Variants in MTIF3 observed in about 807,000 individuals in gnomAD.
The protein encoded by MTIF3 is mitochondrial translational initiation factor 3.
A neutral mutation model predicts 20.7 loss-of-function variants in MTIF3; 13 were observed. The observed-to-expected ratio is 0.63, with a 90% CI of 0.41 to 1.00. The LOEUF (loss-of-function observed/expected upper bound fraction) is 1.00, where lower values mean the gene tolerates loss of function less well. MTIF3 is among the 50% of genes least tolerant of loss of function. The probability of loss-of-function intolerance (pLI) is 0.00; values close to 1 mark genes in which losing one functional copy is unlikely to be tolerated. For synonymous variants in MTIF3, 114 were observed against 112.5 expected (o/e 1.01, Z -0.08); for missense variants, 295 against 324.5 (o/e 0.91, Z 0.70).
chr13:27,443,222 GTAGATGCTGTAAAGGCTC>G (rs1954061624), intron 2 of MTIF3, among the ~76,000 whole-genome samples: 1 of 152,238 alleles, frequency 6.6e-6, no homozygotes, highest in South Asian at 2.1e-4. Flanking sequence ...GGCTCCAGCT[GTAGATGCTGTAAAGGCTC>G]TAAGGTGGGA....
At chr13:27,444,456 T>TA (rs1278117674) in intron 2 of MTIF3, among the ~76,000 whole-genome samples, 3 of 152,250 alleles carry the variant, frequency 2.0e-5, no homozygotes, top group Non-Finnish European at 4.4e-5. Context: ...ACTAACTCAA[T>TA]ACTGGCTTTA....
intron 1 of MTIF3, among the ~76,000 whole-genome samples, chr13:27,449,151 C>T (rs748518272): frequency 1.3e-5 from 2 of 152,230 alleles, no homozygotes; most frequent in African/African-American, 2.4e-5. Flanking sequence ...CCTCCAGTCA[C>T]CTCCAAGACA....
intron 3 of MTIF3, among the ~76,000 whole-genome samples, chr13:27,438,992 G>C (rs959503757): frequency 6.6e-6 from 1 of 152,118 alleles, no homozygotes; most frequent in African/African-American, 2.4e-5. Flanking sequence ...GTCCCCGTGC[G>C]CCATCCATTG....
intron 2 of MTIF3, chr13:27,440,926 ATATG>A (rs1953985008): frequency 5.9e-6 from 1 of 169,484 alleles, no homozygotes; most frequent in Non-Finnish European, 1.3e-5. Flanking sequence ...TTTGTATGCC[ATATG>A]TATTATATAC....
At position 27,436,229 on chromosome 13, in the gene MTIF3, C is replaced by T. The variant is rs528397256; in HGVS notation, c.619-336G>A. ...ACCTCCTCATCCCCAAGGTGTCAGCCGAGCAGTTCTCAGCACTCTCTATTG... is the reference window on the plus strand; with the variant it reads ...ACCTCCTCATCCCCAAGGTGTCAGCTGAGCAGTTCTCAGCACTCTCTATTG... On this transcript the variant is annotated intron_variant, in intron 4 of 4. Coordinates refer to ENST00000381120, the MANE Select transcript of MTIF3 (RefSeq NM_152912.5). Among the ~76,000 whole-genome samples the T allele has an allele frequency of 1.6e-4, 24 of 152,240 alleles. No homozygotes were observed. The South Asian group carries it at 5.0e-3, about 32-fold the overall frequency.
chr13:27,442,367 A>T (rs557115060), intron 2 of MTIF3, among the ~76,000 whole-genome samples: 3 of 152,168 alleles, frequency 2.0e-5, no homozygotes, highest in African/African-American at 7.2e-5. Context: ...ACTGCATCAC[A>T]GTAAAACCGC....
At chr13:27,450,128 G>GCGGCGACGCCCACCTGCAGAA (rs1954314531) in intron 1 of MTIF3, 1 of 152,290 alleles carries the variant, frequency 6.6e-6, no homozygotes, top group African/African-American at 2.4e-5. Flanking sequence ...TGGTAAGTCG[G>GCGGCGACGCCCACCTGCAGAA]CGGCGACGCC....
At chr13:27,446,898 C>A (rs1013479847) in intron 1 of MTIF3, among the ~76,000 whole-genome samples, 5 of 152,008 alleles carry the variant, frequency 3.3e-5, no homozygotes, top group African/African-American at 9.7e-5. Context: ...GTATACGATT[C>A]GGGTGATGGT....
chr13:27,438,087 C>T (rs976310428), intron 3 of MTIF3, among the ~76,000 whole-genome samples: 2 of 152,024 alleles, frequency 1.3e-5, no homozygotes, highest in Non-Finnish European at 2.9e-5. Context: ...AATTTCTCAC[C>T]ATTAAAATGA....
At chr13:27,439,147 T>C (rs1285270814) in intron 3 of MTIF3, among the ~76,000 whole-genome samples, 3 of 152,232 alleles carry the variant, frequency 2.0e-5, no homozygotes, top group Non-Finnish European at 2.9e-5. Context: ...GCTACTGATA[T>C]TGCAACACAA....
chr13:27,448,884 C>CA (rs1473297901), intron 1 of MTIF3, among the ~76,000 whole-genome samples: 6 of 152,026 alleles, frequency 3.9e-5, no homozygotes, highest in South Asian at 2.1e-4. Flanking sequence ...ACTAAAAATA[C>CA]AAAAAAACTA....
chr13:27,449,404 C>G (rs1327853872), intron 1 of MTIF3, among the ~76,000 whole-genome samples: 1 of 152,158 alleles, frequency 6.6e-6, no homozygotes, highest in Non-Finnish European at 1.5e-5. Context: ...AAAACTGCCC[C>G]GAGATTAAAG....
At chr13:27,440,539 T>C in intron 2 of MTIF3, 90 bp from the exon 3 acceptor site, 1 of 1,009,152 alleles carries the variant, frequency 9.9e-7, no homozygotes, top group South Asian at 1.7e-5. Flanking sequence ...TGTGTGAGGT[T>C]GTGGAGGCTG....
chr13:27,442,062 T>C (rs60311124), intron 2 of MTIF3, among the ~76,000 whole-genome samples: 3,192 of 152,260 alleles, frequency 0.021, 66 homozygotes, highest in South Asian at 0.1. Context: ...TCCACACCTG[T>C]AGGGTTAACC....
At chr13:27,437,356 C>A in intron 3 of MTIF3, 83 bp from the exon 4 acceptor site, 1 of 1,274,828 alleles carries the variant, frequency 7.8e-7, no homozygotes, top group Non-Finnish European at 1.1e-6. Flanking sequence ...ATCATAAAAT[C>A]CTAGGTTGCC....
At chr13:27,438,497 T>G (rs1048028794) in intron 3 of MTIF3, among the ~76,000 whole-genome samples, 1 of 146,066 alleles carries the variant, frequency 6.8e-6, no homozygotes, top group African/African-American at 2.5e-5. Flanking sequence ...TTTTTTTTTT[T>G]TTTTTTTTTT....
At position 27,435,728 on chromosome 13, in the gene MTIF3, T is replaced by G; in HGVS notation, c.784A>C (p.Thr262Pro). Residue 262 changes from threonine (T) to proline (P), a missense_variant, in exon 5 of 5, where the codon ACT (threonine) becomes CCT (proline). Transcript: ENST00000381120. Reference protein sequence around the residue: ...KETQETQERDTLNKDHGNDKE... With the variant: ...KETQETQERDPLNKDHGNDKE... ...TCATTTCCATGGTCTTTGTTCAAAG[T>G]GTCTCTTTCCTGGGTCTCTTGAGTT... 6.2e-7 allele frequency: 1 copy of G among 1,614,166 alleles called. No homozygotes were observed. Among genetic ancestry groups the G allele is most frequent in the Non-Finnish European group, 8.5e-7 (1 of 1,179,994 alleles).
chr13:27,438,205 G>A (rs1033318869), intron 3 of MTIF3, among the ~76,000 whole-genome samples: 3 of 151,746 alleles, frequency 2.0e-5, no homozygotes, highest in Admixed American at 1.3e-4. Context: ...TAAAGATTGG[G>A]GGCCAGGTGT....
At chr13:27,444,163 G>T (rs1168357954) in intron 2 of MTIF3, among the ~76,000 whole-genome samples, 1 of 152,240 alleles carries the variant, frequency 6.6e-6, no homozygotes, top group Non-Finnish European at 1.5e-5. Context: ...AAAATTAGCT[G>T]GGCGTGGTGG....
Sources: gnomAD v4.1 joint callset for allele counts (sites outside exome capture counted in the v4.1 genomes callset) on GRCh38, gnomAD v4.1.1 for gene constraint, MANE v1.5 for transcripts, NCBI Gene and HGNC (gene_info 2026-07-23, HGNC 2026-07-21) for gene names.